The following FBXO34 variants were observed in gnomAD, a reference collection of about 807,000 sequenced individuals.
FBXO34 encodes the protein F-box only protein 34.
FBXO34 carries 12 observed loss-of-function variants against 24.5 expected under a neutral mutation model. The observed-to-expected ratio is 0.49, with a 90% confidence interval of 0.31 to 0.79. The LOEUF (loss-of-function observed/expected upper bound fraction) is 0.79, where lower values mean the gene tolerates loss of function less well. Among genes scored for constraint, FBXO34 ranks in the 30% least tolerant of loss-of-function variants. The pLI, the probability that FBXO34 is intolerant of heterozygous loss-of-function variation, is 0.04. For synonymous variants in FBXO34, 320 were observed against 311.9 expected (o/e 1.03, Z -0.27); for missense variants, 823 against 857.7 (o/e 0.96, Z 0.51).
chr14:55,335,187 A>T (rs1240914952), intron 1 of FBXO34: 1 of 152,188 alleles, frequency 6.6e-6, no homozygotes, highest in Admixed American at 6.5e-5. Flanking sequence ...CAGATTGAAG[A>T]TGTAGGGGAC....
rs1180374235 is a variant in FBXO34, at chr14:55,353,059, G to A, written c.*533G>A. ...GAGATTGATGTTTGTGGCTGGAGGT[G>A]GATTTCATGCCCTGTGGTGTTTACA... On this transcript the variant is annotated 3_prime_UTR_variant, in exon 2 of 2. Coordinates refer to ENST00000313833, the MANE Select transcript of FBXO34 (RefSeq NM_017943.4). 2.9e-5 allele frequency: 5 copies of A among 170,598 alleles called. No individual in the cohort carries two copies. In the Admixed American group the frequency reaches 3.1e-4, roughly 11 times the overall value. The allele number at this position is 170,598 out of a possible 1,614,324, so 10.6% of individuals were successfully genotyped here.
chr14:55,345,625 CT>C (rs2140079560), intron 1 of FBXO34, among the ~76,000 whole-genome samples: 1 of 152,278 alleles, frequency 6.6e-6, no homozygotes, highest in South Asian at 2.1e-4. Context: ...TAATTGTTTG[CT>C]TTTCTGTCTC....
chr14:55,352,593 A>G lies in FBXO34; in HGVS notation c.*67A>G, dbSNP rs957078316. 5.4e-5 allele frequency: 71 copies of G among 1,313,796 alleles called. No homozygotes were observed. In the Middle Eastern group the frequency reaches 1.3e-3, roughly 25 times the overall value. 81.4% of individuals were successfully genotyped at this position (1,313,796 alleles called of 1,614,324 possible). A position where few individuals can be genotyped will look rare whatever the true frequency, so the allele number is the denominator to read the frequency against. On this transcript the variant is annotated 3_prime_UTR_variant, in exon 2 of 2. Transcript: ENST00000313833. The stretch of plus-strand genomic sequence containing the variant: ...GCAAAACACCTAGATACACCGTTCA[A>G]ATGAGCGTAGCCCCCTGAGTCATCA...
rs574712154 is a variant in FBXO34, at chr14:55,351,673, C to T, written c.1283C>T (p.Pro428Leu). ...SHTYSQASEL[P>L]TDAVDCMSRE... is the part of the protein sequence containing the mutation. ...ACCTATTCCCAAGCCTCTGAATTGC[C>T]CACAGATGCTGTTGATTGTATGAGC... Residue 428 changes from proline (P) to leucine (L), a missense_variant, in exon 2 of 2, where the codon CCC (proline) becomes CTC (leucine). Physicochemically the swap from Pro to Leu is moderately conservative, Grantham distance 98. Transcript: ENST00000313833. 1.2e-6 allele frequency: 2 copies of T among 1,614,128 alleles called. No homozygotes were observed. Among genetic ancestry groups the T allele is most frequent in the East Asian group, 2.2e-5 (1 of 44,880 alleles).
chr14:55,281,364 C>CCAAT (rs1881537936), intron 1 of FBXO34, among the ~76,000 whole-genome samples: 1 of 151,632 alleles, frequency 6.6e-6, no homozygotes, highest in Admixed American at 6.6e-5. Flanking sequence ...CAGATCTAGA[C>CCAAT]CAATGATCAT....
chr14:55,336,051 A>G (rs1357439291), intron 1 of FBXO34, among the ~76,000 whole-genome samples: 1 of 152,170 alleles, frequency 6.6e-6, no homozygotes, highest in East Asian at 1.9e-4. Context: ...ATATGTCTTT[A>G]AAGTATGAAA....
chr14:55,417,489 G>A, the FBXO34 span, among the ~76,000 whole-genome samples: 4 of 142,976 alleles, frequency 2.8e-5, no homozygotes, highest in East Asian at 2.0e-4. Flanking sequence ...AGTCTCGCTC[G>A]GTCACCCAGG....
chr14:55,398,647 C>A, the FBXO34 span, among the ~76,000 whole-genome samples: 1 of 152,026 alleles, frequency 6.6e-6, no homozygotes, highest in African/African-American at 2.4e-5. Flanking sequence ...TGATTTCGAT[C>A]TTGTAACCTG....
At chr14:55,281,920 AT>A (rs1011525275) in intron 1 of FBXO34, among the ~76,000 whole-genome samples, 5 of 149,046 alleles carry the variant, frequency 3.4e-5, no homozygotes, top group African/African-American at 1.2e-4. Context: ...TAGCTGGGCT[AT>A]GTAAATTTGT....
chr14:55,303,128 CTTT>C (rs3084453), intron 1 of FBXO34, among the ~76,000 whole-genome samples: 2 of 147,742 alleles, frequency 1.4e-5, no homozygotes. Flanking sequence ...CTTTACAGGC[CTTT>C]TTTTTTTTTA....
chr14:55,328,775 T>C (rs1883437044), intron 1 of FBXO34, among the ~76,000 whole-genome samples: 1 of 152,170 alleles, frequency 6.6e-6, no homozygotes, highest in Non-Finnish European at 1.5e-5. Flanking sequence ...CCTAAACTGT[T>C]TGAGGTGCCC....
chr14:55,437,634 T>C, the FBXO34 span, among the ~76,000 whole-genome samples: 1 of 152,274 alleles, frequency 6.6e-6, no homozygotes, highest in African/African-American at 2.4e-5. Context: ...TAGAGGCAAT[T>C]GAGCAACCAT....
chr14:55,415,983 C>T, the FBXO34 span, among the ~76,000 whole-genome samples: 2 of 152,044 alleles, frequency 1.3e-5, no homozygotes, highest in African/African-American at 4.8e-5. Context: ...AAAAGCCAGA[C>T]ATGAAAAGTC....
At chr14:55,409,912 G>A in the FBXO34 span, among the ~76,000 whole-genome samples, 1 of 152,218 alleles carries the variant, frequency 6.6e-6, no homozygotes, top group African/African-American at 2.4e-5. Context: ...GAGGAAATAA[G>A]TTTATGTCTC....
chr14:55,274,786 T>A (rs1881278873), intron 1 of FBXO34, among the ~76,000 whole-genome samples: 1 of 152,240 alleles, frequency 6.6e-6, no homozygotes, highest in Admixed American at 6.5e-5. Context: ...TTTTAATATT[T>A]GTTTGGGAGA....
At chr14:55,364,064 C>T (rs1404627368), downstream of FBXO34, among the ~76,000 whole-genome samples, 2 of 152,012 alleles carry the variant, frequency 1.3e-5, no homozygotes, top group Admixed American at 6.6e-5. Context: ...GATTCTCCTG[C>T]CTCAGCCTCC....
chr14:55,373,898 A>G (rs1211271115), downstream of FBXO34, among the ~76,000 whole-genome samples: 1 of 152,200 alleles, frequency 6.6e-6, no homozygotes, highest in Non-Finnish European at 1.5e-5. Flanking sequence ...TTCCATGAAC[A>G]ATCTTCTCTA....
At chr14:55,418,392 C>T in the FBXO34 span, among the ~76,000 whole-genome samples, 1 of 152,230 alleles carries the variant, frequency 6.6e-6, no homozygotes, top group African/African-American at 2.4e-5. Context: ...CAGTTCTGTT[C>T]TTACATCAAG....
intron 1 of FBXO34, among the ~76,000 whole-genome samples, chr14:55,278,549 T>C (rs1167352300): frequency 6.6e-6 from 1 of 152,224 alleles, no homozygotes; most frequent in East Asian, 1.9e-4. Flanking sequence ...TTGGTCCCTT[T>C]GTGTTCACAT....
Sources: gnomAD v4.1 joint callset for allele counts (sites outside exome capture counted in the v4.1 genomes callset) on GRCh38, gnomAD v4.1.1 for gene constraint, MANE v1.5 for transcripts, NCBI Gene and HGNC (gene_info 2026-07-23, HGNC 2026-07-21) for gene names.